KHDRBS2: variants seen among roughly 807,000 people sequenced by gnomAD.
The protein encoded by KHDRBS2 is KH domain-containing, RNA-binding, signal transduction-associated protein 2.
In KHDRBS2, 26 loss-of-function variants were observed where a neutral mutation model predicts 44.3. That is an observed-to-expected ratio of 0.59 (90% CI 0.43 to 0.81). The LOEUF is 0.81. Ranked by LOEUF, KHDRBS2 falls within the 40% of genes least tolerant of loss-of-function variation. The pLI, the probability that KHDRBS2 is intolerant of heterozygous loss-of-function variation, is 0.00. For synonymous variants in KHDRBS2, 194 were observed against 151.1 expected (o/e 1.28, Z -2.08); for missense variants, 476 against 433.1 (o/e 1.10, Z -0.88).
At chr6:61,858,336 G>C (rs939810779) in intron 6 of KHDRBS2, among the ~76,000 whole-genome samples, 2 of 151,220 alleles carry the variant, frequency 1.3e-5, no homozygotes, top group Non-Finnish European at 3.0e-5. Flanking sequence ...TATAATACTA[G>C]ATATGTAACC....
chr6:61,813,179 G>T (rs1788389273), intron 6 of KHDRBS2, among the ~76,000 whole-genome samples: 1 of 152,010 alleles, frequency 6.6e-6, no homozygotes, highest in South Asian at 2.1e-4. Flanking sequence ...AAGTATTCTG[G>T]TATTATGAAA....
chr6:61,604,706 T>C, the KHDRBS2 span, among the ~76,000 whole-genome samples: 49 of 152,264 alleles, frequency 3.2e-4, no homozygotes, highest in African/African-American at 1.1e-3. Context: ...AGCTTGGGGA[T>C]TTGCCCCTGC....
At chr6:61,929,173 C>G (rs1167489141) in intron 4 of KHDRBS2, among the ~76,000 whole-genome samples, 1 of 152,004 alleles carries the variant, frequency 6.6e-6, no homozygotes, top group African/African-American at 2.4e-5. Context: ...CACCAGAAAA[C>G]AATGGGAAGA....
intron 6 of KHDRBS2, among the ~76,000 whole-genome samples, chr6:61,788,080 T>G (rs1224279616): frequency 6.6e-6 from 1 of 151,624 alleles, no homozygotes; most frequent in African/African-American, 2.4e-5. Flanking sequence ...AAATCAGTGT[T>G]GGCCAACAAT....
At chr6:62,141,781 A>C (rs1271415556) in intron 2 of KHDRBS2, among the ~76,000 whole-genome samples, 1 of 152,024 alleles carries the variant, frequency 6.6e-6, no homozygotes, top group Non-Finnish European at 1.5e-5. Context: ...TCCTTCGATA[A>C]TTTTCATGTA....
chr6:62,267,658 T>C (rs1276616987), intron 1 of KHDRBS2, among the ~76,000 whole-genome samples: 1 of 152,002 alleles, frequency 6.6e-6, no homozygotes, highest in African/African-American at 2.4e-5. Context: ...ACAGACTAAG[T>C]CAAAATGAGC....
intron 6 of KHDRBS2, among the ~76,000 whole-genome samples, chr6:61,749,668 C>T (rs1268467384): frequency 1.3e-5 from 2 of 152,048 alleles, no homozygotes; most frequent in Non-Finnish European, 2.9e-5. Flanking sequence ...CTATATGATT[C>T]ACTTCTTTGG....
intron 6 of KHDRBS2, among the ~76,000 whole-genome samples, chr6:61,785,065 C>G (rs560944941): frequency 6.6e-6 from 1 of 152,052 alleles, no homozygotes; most frequent in African/African-American, 2.4e-5. Context: ...GGGAGGATCA[C>G]CTGAGCCTGG....
intron 2 of KHDRBS2, among the ~76,000 whole-genome samples, chr6:62,071,799 G>C (rs919617249): frequency 6.6e-6 from 1 of 152,122 alleles, no homozygotes; most frequent in Non-Finnish European, 1.5e-5. Flanking sequence ...TGTTCTTTCG[G>C]CTTAGGATTG....
At position 61,764,220 on chromosome 6, in the gene KHDRBS2, T is replaced by C. The variant is rs1354193685; in HGVS notation, c.811-31456A>G. Among the ~76,000 whole-genome samples the C allele has an allele frequency of 1.3e-5, 2 of 152,220 alleles. 1 individual carries two copies. Among genetic ancestry groups the C allele is most frequent in the African/African-American group, 4.8e-5 (2 of 41,466 alleles). On this transcript the variant is annotated intron_variant, in intron 6 of 8. Coordinates refer to ENST00000281156, the MANE Select transcript of KHDRBS2 (RefSeq NM_152688.4). Reference sequence around the variant, plus strand: ...GTGTATATGTACCATGTTTTCTTTATACAGTCTATCATTGATGGGCATTTG... The same window carrying C: ...GTGTATATGTACCATGTTTTCTTTACACAGTCTATCATTGATGGGCATTTG...
intron 2 of KHDRBS2, among the ~76,000 whole-genome samples, chr6:62,168,935 G>A (rs1819249159): frequency 1.3e-5 from 2 of 149,966 alleles, no homozygotes; most frequent in Non-Finnish European, 3.0e-5. Context: ...ACTATAGGTG[G>A]AGATGTTAAA....
At chr6:62,203,302 G>A (rs1201237925) in intron 1 of KHDRBS2, among the ~76,000 whole-genome samples, 1 of 152,030 alleles carries the variant, frequency 6.6e-6, no homozygotes, top group East Asian at 1.9e-4. Context: ...GGGAGGGCAG[G>A]GCTACAGATA....
At chr6:62,136,216 C>T (rs1811495301) in intron 2 of KHDRBS2, among the ~76,000 whole-genome samples, 1 of 152,118 alleles carries the variant, frequency 6.6e-6, no homozygotes, top group Non-Finnish European at 1.5e-5. Flanking sequence ...TAAATGTGTA[C>T]ATTAGAAAAA....
the KHDRBS2 span, among the ~76,000 whole-genome samples, chr6:61,656,851 C>T: frequency 6.6e-6 from 1 of 151,934 alleles, no homozygotes; most frequent in Non-Finnish European, 1.5e-5. Context: ...AACAGAAATT[C>T]TTTAGATTTT....
the KHDRBS2 span, among the ~76,000 whole-genome samples, chr6:61,599,043 C>T: frequency 1.3e-5 from 2 of 151,848 alleles, no homozygotes; most frequent in Non-Finnish European, 2.9e-5. Context: ...AAGCAATTCT[C>T]CTGTCTCAGC....
chr6:61,566,366 A>G, the KHDRBS2 span, among the ~76,000 whole-genome samples: 1 of 152,188 alleles, frequency 6.6e-6, no homozygotes, highest in African/African-American at 2.4e-5. Context: ...TGCATAATGT[A>G]TTTTAAAATA....
chr6:61,553,307 T>C, the KHDRBS2 span, among the ~76,000 whole-genome samples: 2 of 152,158 alleles, frequency 1.3e-5, no homozygotes, highest in Non-Finnish European at 2.9e-5. Flanking sequence ...TTTGTAGTAG[T>C]CTCTGAGAGT....
the KHDRBS2 span, among the ~76,000 whole-genome samples, chr6:61,645,393 A>C: frequency 6.6e-6 from 1 of 152,062 alleles, no homozygotes; most frequent in Non-Finnish European, 1.5e-5. Flanking sequence ...GATTTAAAAA[A>C]AATCTGTACA....
At chr6:61,872,153 A>T (rs1163231675) in intron 6 of KHDRBS2, among the ~76,000 whole-genome samples, 1 of 152,200 alleles carries the variant, frequency 6.6e-6, no homozygotes, top group Non-Finnish European at 1.5e-5. Flanking sequence ...GTCACATAAA[A>T]CAATAAATTC....
Sources: gnomAD v4.1 joint callset for allele counts (sites outside exome capture counted in the v4.1 genomes callset) on GRCh38, gnomAD v4.1.1 for gene constraint, MANE v1.5 for transcripts, NCBI Gene and HGNC (gene_info 2026-07-23, HGNC 2026-07-21) for gene names.